Variants in IL6ST observed in about 807,000 individuals in gnomAD.
IL6ST encodes interleukin-6 receptor subunit beta.
A neutral mutation model predicts 91.3 loss-of-function variants in IL6ST; 24 were observed. That is an observed-to-expected ratio of 0.26 (90% CI 0.19 to 0.37). The LOEUF is 0.37. Among genes scored for constraint, IL6ST ranks in the 10% least tolerant of loss-of-function variants. IL6ST has a pLI of 1.00. For missense variants in IL6ST, 914 were observed against 1,078.5 expected, an observed-to-expected ratio of 0.85 and a Z score of 2.14; for synonymous variants, 351 against 373.6, an observed-to-expected ratio of 0.94 and a Z score of 0.70.
At chr5:55,991,286 TAA>T (rs1561210893) in intron 1 of IL6ST, among the ~76,000 whole-genome samples, 1 of 152,210 alleles carries the variant, frequency 6.6e-6, no homozygotes, top group African/African-American at 2.4e-5. Context: ...ACACACTTTT[TAA>T]AAAGTCACAA....
rs778776510 is a variant in IL6ST, at chr5:55,942,787, C to A, written c.1938-36G>T. ...AAGAAAAATGGCCTATGTAAAACCACACATAATAAACAATAAATAGTCCCT... is the reference window on the plus strand; with the variant it reads ...AAGAAAAATGGCCTATGTAAAACCAAACATAATAAACAATAAATAGTCCCT... On this transcript the variant is annotated intron_variant, in intron 15 of 16. Transcript: ENST00000381298. 2.0e-5 allele frequency: 23 copies of A among 1,137,444 alleles called. No homozygotes were observed. In the East Asian group the frequency reaches 5.4e-4, roughly 27 times the overall value. 70.5% of individuals were successfully genotyped at this position (1,137,444 alleles called of 1,614,324 possible).
At position 55,940,094 on chromosome 5, in the gene IL6ST, G is replaced by GTACTC. The variant is rs1318845972; in HGVS notation, c.*983_*987dup. On this transcript the variant is annotated 3_prime_UTR_variant, in exon 17 of 17. Coordinates refer to ENST00000381298, the MANE Select transcript of IL6ST (RefSeq NM_002184.4). ...ACTGTATAAAGTGTTCATCTACCCA[G>GTACTC]TACTCTGAAGTCTTAAGAAAAGTCA... is the stretch of plus-strand genomic sequence containing the variant. The GTACTC allele has an allele frequency of 1.5e-5, 3 of 196,380 alleles. No individual in the cohort carries two copies. The Admixed American group carries it at 1.8e-4, about 12-fold the overall frequency. 12.2% of individuals were successfully genotyped at this position (196,380 alleles called of 1,614,324 possible). A position where few individuals can be genotyped will look rare whatever the true frequency, so the allele number is the denominator to read the frequency against.
At chr5:55,987,357 A>G (rs1325210216) in intron 1 of IL6ST, among the ~76,000 whole-genome samples, 1 of 152,268 alleles carries the variant, frequency 6.6e-6, no homozygotes, top group African/African-American at 2.4e-5. Context: ...GCCTAAAATA[A>G]GCACAGTTCA....
At position 55,975,050 on chromosome 5, in the gene IL6ST, C is replaced by G. The variant is rs116086263; in HGVS notation, c.64+1165G>C. Among the ~76,000 whole-genome samples, 1,310 of 151,876 alleles carry G rather than the reference C, an allele frequency of 8.6e-3. 17 individuals are homozygous for G. Among genetic ancestry groups the G allele is most frequent in the African/African-American group, 0.03 (1,237 of 41,402 alleles). On this transcript the variant is annotated intron_variant, in intron 3 of 16. Transcript: ENST00000381298. Reference sequence around the variant, plus strand: ...CCCAGGATAGAGTGCAATGGCGTGACCATGGCTCACTGTGACCTCGAGGTC... The same window carrying G: ...CCCAGGATAGAGTGCAATGGCGTGAGCATGGCTCACTGTGACCTCGAGGTC...
chr5:55,986,390 TTC>T (rs1193334809), intron 1 of IL6ST, among the ~76,000 whole-genome samples: 1 of 152,178 alleles, frequency 6.6e-6, no homozygotes, highest in Non-Finnish European at 1.5e-5. Context: ...CTATAGCCAA[TTC>T]TGTCTTACTT....
Position 55,938,273 on chromosome 5 carries a change from A to G in IL6ST, c.*2809T>C. Reference sequence around the variant, plus strand: ...TATGAACACAGAACATGTGAATGAAATTTGCTTTTTTTCCTTGCTGCTGTT... The same window carrying G: ...TATGAACACAGAACATGTGAATGAAGTTTGCTTTTTTTCCTTGCTGCTGTT... On this transcript the variant is annotated 3_prime_UTR_variant, in exon 17 of 17. Transcript: ENST00000381298. The G allele has an allele frequency of 5.2e-6, 1 of 192,874 alleles. No individual in the cohort carries two copies. Among genetic ancestry groups the G allele is most frequent in the Non-Finnish European group, 1.1e-5 (1 of 92,296 alleles). 11.9% of individuals were successfully genotyped at this position (192,874 alleles called of 1,614,324 possible).
intron 11 of IL6ST, among the ~76,000 whole-genome samples, 186 bp downstream of exon 11, chr5:55,954,624 G>A (rs6860698): frequency 0.051 from 7,831 of 152,166 alleles, 715 homozygotes; most frequent in African/African-American, 0.18. Flanking sequence ...ACCCCACTCT[G>A]TTCATAAAGA....
chr5:55,938,151 A>C lies in IL6ST; in HGVS notation c.*2931T>G, dbSNP rs1198907206. On this transcript the variant is annotated 3_prime_UTR_variant, in exon 17 of 17. Transcript: ENST00000381298. ...TTTCTAAGTATACTCCACTAACTTC[A>C]CAATAAGAGCTAGGGTCACTGGATG... 2 of 191,288 alleles carry C rather than the reference A, an allele frequency of 1.0e-5. No homozygotes were observed. The highest frequency in any genetic ancestry group is 6.1e-5 in the Admixed American group (1 of 16,312). The allele number at this position is 191,288 out of a possible 1,614,324, so 11.8% of individuals were successfully genotyped here.
In IL6ST at chr5:55,940,137, A is replaced by ATGCGTG. The variant is rs58368867; in HGVS notation, c.*944_*945insCACGCA. 5.9e-6 allele frequency: 1 copy of ATGCGTG among 170,484 alleles called. No individual in the cohort carries two copies. The highest frequency in any genetic ancestry group is 2.5e-5 in the African/African-American group (1 of 40,450). The allele number at this position is 170,484 out of a possible 1,614,324, so 10.6% of individuals were successfully genotyped here. On this transcript the variant is annotated 3_prime_UTR_variant, in exon 17 of 17. Transcript: ENST00000381298. ...AAAAGTCAATGATATGTGTGTGTATATATATATATATATATACACACATTA... is the reference window on the plus strand; with the variant it reads ...AAAAGTCAATGATATGTGTGTGTATATGCGTGTATATATATATATATACACACATTA...
intron 5 of IL6ST, among the ~76,000 whole-genome samples, chr5:55,966,832 A>G (rs10940495): frequency 0.22 from 32,972 of 152,050 alleles, 4,142 homozygotes; most frequent in Non-Finnish European, 0.28. Context: ...ATAAAGGAAT[A>G]AGGCTGACAA....
chr5:55,951,443 C>A (rs200607132), intron 14 of IL6ST, 21 bp downstream of exon 14: 68 of 1,591,528 alleles, frequency 4.3e-5, no homozygotes, highest in Admixed American at 3.4e-4. Context: ...AGAAAAAAAA[C>A]CAAACTTCAT....
At chr5:55,978,490 G>A (rs1443809786) in intron 2 of IL6ST, 1 of 152,386 alleles carries the variant, frequency 6.6e-6, no homozygotes. Context: ...CACTTTGGGA[G>A]GCTGAGGCGA....
intron 11 of IL6ST, among the ~76,000 whole-genome samples, chr5:55,952,853 G>T (rs943412970): frequency 1.3e-5 from 2 of 152,144 alleles, no homozygotes; most frequent in African/African-American, 4.8e-5. Context: ...CTTGAGGTTA[G>T]GAGTTTGAGA....
At chr5:55,959,648 C>A (rs1240156912) in intron 8 of IL6ST, 5 of 1,296,698 alleles carry the variant, frequency 3.9e-6, no homozygotes, top group African/African-American at 1.5e-5. Flanking sequence ...CAGGATCAAC[C>A]GCTTCCCAGG....
chr5:55,943,779 A>C (rs1476231332), intron 15 of IL6ST, among the ~76,000 whole-genome samples: 1 of 152,094 alleles, frequency 6.6e-6, no homozygotes, highest in Non-Finnish European at 1.5e-5. Flanking sequence ...GGAAAAAAAA[A>C]CACAAAGCGG....
rs1170944395 is a variant in IL6ST at position 55,937,453 on chromosome 5, T to C, written c.*3629A>G. Reference sequence around the variant, plus strand: ...GCAAAAGATAATACGCTTGGCTTTGTAAAGTTTTGTTTTGACTTACATCAT... The same window carrying C: ...GCAAAAGATAATACGCTTGGCTTTGCAAAGTTTTGTTTTGACTTACATCAT... On this transcript the variant is annotated 3_prime_UTR_variant, in exon 17 of 17. Transcript: ENST00000381298. 4.7e-6 allele frequency: 1 copy of C among 211,424 alleles called. No homozygotes were observed. The highest frequency in any genetic ancestry group is 9.6e-6 in the Non-Finnish European group (1 of 104,208). The allele number at this position is 211,424 out of a possible 1,614,324, so 13.1% of individuals were successfully genotyped here. A position where few individuals can be genotyped will look rare whatever the true frequency, so the allele number is the denominator to read the frequency against.
At chr5:55,951,771 T>C in intron 13 of IL6ST, 158 bp downstream of exon 13, 1 of 790,974 alleles carries the variant, frequency 1.3e-6, no homozygotes, top group South Asian at 1.9e-5. Flanking sequence ...AACACAATAC[T>C]TTTTCAATAA....
intron 15 of IL6ST, among the ~76,000 whole-genome samples, chr5:55,943,075 C>A (rs943808564): frequency 6.6e-6 from 1 of 151,838 alleles, no homozygotes; most frequent in Non-Finnish European, 1.5e-5. Context: ...TTGTGGTATT[C>A]CAATTAAAAG....
In IL6ST at chr5:55,941,241, T is replaced by G; in HGVS notation, c.2598A>C (p.Lys866Asn). The change falls in exon 17 of 17, where the codon AAA becomes AAC. Residue 866 changes from lysine to asparagine, a missense_variant. Coordinates refer to ENST00000381298, the MANE Select transcript of IL6ST (RefSeq NM_002184.4). ...ISQSCGSGQM[K>N]MFQEVSAADA... is the part of the protein sequence containing the mutation. ...CTGCTGCAGAAACTTCCTGAAACATTTTCATTTGCCCAGATCCACAGGATT... is the reference window on the plus strand; with the variant it reads ...CTGCTGCAGAAACTTCCTGAAACATGTTCATTTGCCCAGATCCACAGGATT... 1 of 1,614,166 alleles carries G rather than the reference T, an allele frequency of 6.2e-7. No homozygotes were observed.
Sources: allele counts gnomAD v4.1 joint callset (sites outside exome capture counted in the v4.1 genomes callset), GRCh38; gene constraint gnomAD v4.1.1; transcripts MANE v1.5; gene names NCBI Gene and HGNC (gene_info 2026-07-23, HGNC 2026-07-21).